Variants in ASIC5 observed in about 807,000 individuals in gnomAD.
ASIC5 encodes acid sensing ion channel subunit family member 5.
A neutral mutation model predicts 51.2 loss-of-function variants in ASIC5; 52 were observed. The ratio of observed to expected loss-of-function variants is 1.02; its 90% CI spans 0.81 to 1.28. ASIC5 has a LOEUF of 1.28. Ranked by LOEUF, ASIC5 falls within the 50% of genes most tolerant of loss-of-function variation. The probability of loss-of-function intolerance (pLI) is 0.00; values close to 1 mark genes in which losing one functional copy is unlikely to be tolerated. For synonymous variants in ASIC5, 231 were observed against 200.7 expected (o/e 1.15, Z -1.28); for missense variants, 635 against 595.0 (o/e 1.07, Z -0.70).
intron 6 of ASIC5, among the ~76,000 whole-genome samples, chr4:155,841,597 G>A (rs1025435518): frequency 1.3e-5 from 2 of 152,134 alleles, no homozygotes; most frequent in African/African-American, 4.8e-5. Flanking sequence ...TGAAAAGGAG[G>A]CCTGAAGTTA....
intron 2 of ASIC5, among the ~76,000 whole-genome samples, chr4:155,858,498 T>C (rs980921985): frequency 6.6e-6 from 1 of 152,122 alleles, no homozygotes; most frequent in African/African-American, 2.4e-5. Context: ...TATTCATTTC[T>C]GTGTAAAACT....
chr4:155,843,792 A>T lies in ASIC5; in HGVS notation c.750T>A (p.Asp250Glu), dbSNP rs1272306451. ...FTDNPALGFVDAGIIFVIHSP... is the reference protein window; with the variant it reads ...FTDNPALGFVEAGIIFVIHSP... ...AATGGATAACAAAGATGATCCCAGC[A>T]TCAACGAAACCAAGGGCTGGGTTAT... The change falls in exon 5 of 10, where the codon GAT (aspartate) becomes GAA (glutamate). Residue 250 changes from aspartate to glutamate, a missense_variant. By Grantham distance (45) the Asp-to-Glu change is conservative. Transcript: ENST00000537611. The T allele has an allele frequency of 1.9e-6, 3 of 1,613,636 alleles. No individual in the cohort carries two copies. The highest frequency in any genetic ancestry group is 2.5e-6 in the Non-Finnish European group (3 of 1,179,694).
At chr4:155,853,318 A>C (rs930657953) in intron 3 of ASIC5, among the ~76,000 whole-genome samples, 1 of 151,992 alleles carries the variant, frequency 6.6e-6, no homozygotes, top group African/African-American at 2.4e-5. Flanking sequence ...CAAAAACATA[A>C]GAAATTGTAT....
chr4:155,846,310 A>G (rs1274343316), intron 4 of ASIC5, among the ~76,000 whole-genome samples: 2 of 152,180 alleles, frequency 1.3e-5, no homozygotes, highest in Non-Finnish European at 2.9e-5. Context: ...AAAATTTGGC[A>G]TAGAGATTAC....
chr4:155,859,353 T>G (rs895205647), intron 2 of ASIC5, among the ~76,000 whole-genome samples: 2 of 152,066 alleles, frequency 1.3e-5, no homozygotes, highest in Non-Finnish European at 1.5e-5. Context: ...CATTATTTGT[T>G]TGATTTCATG....
intron 2 of ASIC5, among the ~76,000 whole-genome samples, chr4:155,859,440 G>T (rs1741637666): frequency 6.6e-6 from 1 of 151,872 alleles, no homozygotes; most frequent in Non-Finnish European, 1.5e-5. Context: ...TTGGTATAGG[G>T]TCCTGGTACC....
chr4:155,834,463 G>A (rs1740934173), intron 8 of ASIC5, among the ~76,000 whole-genome samples: 2 of 152,126 alleles, frequency 1.3e-5, no homozygotes. Flanking sequence ...AACTGTCTCT[G>A]TGTGGGAGTT....
At chr4:155,841,314 A>T (rs775531846) in intron 6 of ASIC5, among the ~76,000 whole-genome samples, 1 of 152,174 alleles carries the variant, frequency 6.6e-6, no homozygotes, top group Non-Finnish European at 1.5e-5. Context: ...AATATCTGAC[A>T]TTTACATAGA....
chr4:155,858,271 G>T (rs1283187321), intron 2 of ASIC5, among the ~76,000 whole-genome samples: 2 of 151,992 alleles, frequency 1.3e-5, no homozygotes, highest in Non-Finnish European at 2.9e-5. Context: ...TCTGCCAATT[G>T]TATTCTTAGG....
At position 155,831,891 on chromosome 4, in the gene ASIC5, A is replaced by T. The variant is rs1472383307; in HGVS notation, c.1260T>A (p.Ile420=). ...YIRENLVKIE[I]NYSDLNYKIT... is the part of the protein sequence containing the mutation. ...TCTTATAGTTTAGGTCACTATAGTT[A>T]ATTTCAATTTTTACAAGATTCTCCC... The change falls in exon 9 of 10, where the codon ATT becomes ATA. Residue 420 remains isoleucine, a synonymous_variant. Transcript: ENST00000537611. 1.3e-6 allele frequency: 2 copies of T among 1,598,352 alleles called. No individual in the cohort carries two copies. Among genetic ancestry groups the T allele is most frequent in the Admixed American group, 3.4e-5 (2 of 59,496 alleles).
intron 8 of ASIC5, among the ~76,000 whole-genome samples, chr4:155,833,601 G>T (rs1220618992): frequency 5.3e-5 from 8 of 152,120 alleles, no homozygotes; most frequent in Admixed American, 5.2e-4. Context: ...AAGTTGTCTT[G>T]GAAGTCCAGA....
intron 2 of ASIC5, among the ~76,000 whole-genome samples, chr4:155,859,184 G>C (rs752098359): frequency 4.6e-5 from 7 of 152,012 alleles, no homozygotes; most frequent in Admixed American, 2.6e-4. Flanking sequence ...GGGGTCCTGA[G>C]ATTTTATTTT....
At chr4:155,834,219 A>G (rs1002387185) in intron 8 of ASIC5, among the ~76,000 whole-genome samples, 1 of 152,150 alleles carries the variant, frequency 6.6e-6, no homozygotes. Context: ...TTTGAGGTAC[A>G]GCAGCAGCCC....
intron 1 of ASIC5, among the ~76,000 whole-genome samples, chr4:155,865,927 A>G (rs1012281354): frequency 6.6e-6 from 1 of 152,194 alleles, no homozygotes; most frequent in African/African-American, 2.4e-5. Context: ...AATAGAAACC[A>G]AAAGAAATAA....
In ASIC5 at chr4:155,829,963, A is replaced by C. The variant is rs758535851; in HGVS notation, c.1411T>G (p.Phe471Val). ...IEIIEYLFTN[F>V]YWICIFFLLK... ...AAAAAGAAAATGCATATCCAGTAGA[A>C]ATTGGTGAATAGATATTCAATAATT... Residue 471 changes from phenylalanine to valine, a missense_variant, in exon 10 of 10, where the codon TTC (phenylalanine) becomes GTC (valine). By Grantham distance (50) the Phe-to-Val change is conservative. Transcript: ENST00000537611. 6.2e-7 allele frequency: 1 copy of C among 1,604,494 alleles called. No individual in the cohort carries two copies. Among genetic ancestry groups the C allele is most frequent in the South Asian group, 1.1e-5 (1 of 89,522 alleles).
intron 2 of ASIC5, among the ~76,000 whole-genome samples, chr4:155,857,592 C>T (rs765297155): frequency 3.9e-5 from 6 of 151,982 alleles, no homozygotes; most frequent in Non-Finnish European, 7.4e-5. Context: ...CATCTGCTAA[C>T]CAGTTATTAG....
chr4:155,852,269 A>T lies in ASIC5; in HGVS notation c.633T>A (p.Asn211Lys). ...FTEYGNCFTFNHGETLQAKRK... is the reference protein window; with the variant it reads ...FTEYGNCFTFKHGETLQAKRK... ...TCTTTGCTTGGAGAGTTTCACCATGATTAAAAGTAAAACAATTTCCATATT... is the reference window on the plus strand; with the variant it reads ...TCTTTGCTTGGAGAGTTTCACCATGTTTAAAAGTAAAACAATTTCCATATT... The change falls in exon 4 of 10, where the codon AAT becomes AAA. Residue 211 changes from asparagine (N) to lysine (K), a missense_variant. Coordinates refer to ENST00000537611, the MANE Select transcript of ASIC5 (RefSeq NM_017419.3). 6.3e-7 allele frequency: 1 copy of T among 1,598,948 alleles called. No individual in the cohort carries two copies. Among genetic ancestry groups the T allele is most frequent in the African/African-American group, 1.4e-5 (1 of 73,712 alleles).
At chr4:155,861,119 T>G (rs774866155) in intron 2 of ASIC5, among the ~76,000 whole-genome samples, 5 of 152,130 alleles carry the variant, frequency 3.3e-5, no homozygotes, top group Middle Eastern at 3.4e-3. Context: ...ATAAACATAT[T>G]TGAATAATTT....
At chr4:155,838,902 T>C in intron 6 of ASIC5, 33 bp from the exon 7 acceptor site, 1 of 1,243,824 alleles carries the variant, frequency 8.0e-7, no homozygotes, top group Non-Finnish European at 1.1e-6. Flanking sequence ...TATAGAGACT[T>C]TACATTTTGT....
Sources: gnomAD v4.1 joint callset for allele counts (sites outside exome capture counted in the v4.1 genomes callset) on GRCh38, gnomAD v4.1.1 for gene constraint, MANE v1.5 for transcripts, NCBI Gene and HGNC (gene_info 2026-07-23, HGNC 2026-07-21) for gene names.